DENND1C: variants seen among roughly 807,000 people sequenced by gnomAD.
The protein encoded by DENND1C is DENN domain-containing protein 1C.
DENND1C carries 64 observed loss-of-function variants against 87.9 expected under a neutral mutation model. The observed-to-expected ratio is 0.73, with a 90% CI of 0.60 to 0.90. The LOEUF (loss-of-function observed/expected upper bound fraction) is 0.90. DENND1C is among the 40% of genes least tolerant of loss of function. The pLI, the probability that DENND1C is intolerant of heterozygous loss-of-function variation, is 0.00. For missense variants in DENND1C, 980 were observed against 1,037.0 expected (o/e 0.95, Z 0.76); for synonymous variants, 384 against 424.4 (o/e 0.90, Z 1.17).
chr19:6,480,137 T>TGCATGTGCCACAAGGTGCGTCG, intron 1 of DENND1C, 86 bp from the exon 2 acceptor site: 1 of 1,538,708 alleles, frequency 6.5e-7, no homozygotes, highest in South Asian at 1.2e-5. Context: ...TGGTTGTGTG[T>TGCATGTGCCACAAGGTGCGTCG]GCATGTGCCA....
Position 6,481,669 on chromosome 19 carries a change from T to C in DENND1C, c.17+10A>G. 1 of 1,610,236 alleles carries C rather than the reference T, an allele frequency of 6.2e-7. No homozygotes were observed. The highest frequency in any genetic ancestry group is 8.5e-7 in the Non-Finnish European group (1 of 1,178,186). On this transcript the variant is annotated intron_variant, in intron 1 of 22. Transcript: ENST00000381480. ...TTGTACCAGAGAATGAGGGATGGGG[T>C]GGCTCTTACTCAGCTCTGGATTCCA...
At position 6,468,024 on chromosome 19, in the gene DENND1C, A is replaced by G. The variant is rs372714069; in HGVS notation, c.1886T>C (p.Leu629Ser). The change falls in exon 23 of 23, where the codon TTG (leucine) becomes TCG (serine). Residue 629 changes from leucine (L) to serine (S), a missense_variant. Leu to Ser is a moderately radical substitution (Grantham distance 145). Transcript: ENST00000381480. ...SLPSLQNASS[L>S]DATSSSKDSR... ...GTCCTTTGAAGAGCTGGTGGCATCC[A>G]AAGACGAGGCATTTTGCAGGGATGG... 6.2e-7 allele frequency: 1 copy of G among 1,613,882 alleles called. No homozygotes were observed.
At position 6,469,609 on chromosome 19, in the gene DENND1C, A is replaced by T. The variant is rs931084027; in HGVS notation, c.1394T>A (p.Leu465His). ...AGTTGATCTTACCTTATACATTAGA[A>T]GGCTCTGCACCCCCTTCAAGCCACT... ...AKSGLKGVQS[L>H]LMYKDGDSVL... Residue 465 changes from leucine to histidine, a missense_variant, in exon 19 of 23, where the codon CTT (leucine) becomes CAT (histidine). Physicochemically the swap from Leu to His is moderately conservative, Grantham distance 99 (BLOSUM62 -3). Coordinates refer to ENST00000381480, the MANE Select transcript of DENND1C (RefSeq NM_024898.4). The T allele has an allele frequency of 6.2e-7, 1 of 1,605,478 alleles. No individual in the cohort carries two copies. The highest frequency in any genetic ancestry group is 8.5e-7 in the Non-Finnish European group (1 of 1,176,416).
chr19:6,475,300 A>AC lies in DENND1C; in HGVS notation c.1026dup (p.Tyr343ValfsTer17), dbSNP rs767870384. The AC allele has an allele frequency of 5.6e-6, 9 of 1,613,052 alleles. No homozygotes were observed. The highest frequency in any genetic ancestry group is 1.6e-4 in the Middle Eastern group (1 of 6,084). ...GGGCTGCAGACGAGTGCGTCGCGGT[A>AC]CCCCCCGAAGAGCAGGGCCTGGGCT... is the stretch of plus-strand genomic sequence containing the variant. On this transcript the variant is annotated frameshift_variant, in exon 14 of 23. Transcript: ENST00000381480. LOFTEE classifies it high-confidence loss of function.
intron 18 of DENND1C, 89 bp from the exon 19 acceptor site, chr19:6,469,729 T>C: frequency 2.1e-6 from 3 of 1,442,924 alleles, no homozygotes; most frequent in Non-Finnish European, 2.9e-6. Flanking sequence ...GATAGCTTTT[T>C]TTTTTGCCAT....
chr19:6,468,672 T>A (rs1461184018), intron 20 of DENND1C, 27 bp from the exon 21 acceptor site: 4 of 1,459,086 alleles, frequency 2.7e-6, no homozygotes, highest in Admixed American at 2.8e-5. Context: ...CGATAGGACC[T>A]CAGGAGACTG....
chr19:6,470,593 T>C (rs1198054223), intron 17 of DENND1C, among the ~76,000 whole-genome samples: 1 of 151,238 alleles, frequency 6.6e-6, no homozygotes, highest in Non-Finnish European at 1.5e-5. Flanking sequence ...TTTTTTGAGA[T>C]GGAGTCTCAA....
At chr19:6,479,174 T>A in intron 4 of DENND1C, 118 bp from the exon 5 acceptor site, 1 of 1,389,084 alleles carries the variant, frequency 7.2e-7, no homozygotes, top group Non-Finnish European at 9.7e-7. Flanking sequence ...TCAGGATCCC[T>A]GAATGTCTGG....
intron 14 of DENND1C, 142 bp downstream of exon 14, chr19:6,475,132 A>G: frequency 1.5e-6 from 2 of 1,362,974 alleles, no homozygotes; most frequent in Non-Finnish European, 2.0e-6. Context: ...TCTGGGCTCA[A>G]GCAATTCTCC....
chr19:6,471,610 C>T, intron 15 of DENND1C, 114 bp from the exon 16 acceptor site: 1 of 878,640 alleles, frequency 1.1e-6, no homozygotes, highest in Non-Finnish European at 1.7e-6. Context: ...AACCTGCCCA[C>T]CCCCAAGCAC....
At chr19:6,479,158 T>G in intron 4 of DENND1C, 102 bp from the exon 5 acceptor site, 6 of 1,471,644 alleles carry the variant, frequency 4.1e-6, no homozygotes, top group Non-Finnish European at 5.5e-6. Flanking sequence ...TATGGGTCTC[T>G]AGTTGTCAGG....
chr19:6,476,030 T>TC, intron 10 of DENND1C, 93 bp from the exon 11 acceptor site: 1 of 1,139,892 alleles, frequency 8.8e-7, no homozygotes, highest in South Asian at 1.5e-5. Context: ...AGTCTCCTGT[T>TC]CCCCCTCCCC....
intron 19 of DENND1C, 38 bp from the exon 20 acceptor site, chr19:6,468,991 G>A (rs755849805): frequency 2.4e-6 from 3 of 1,244,830 alleles, no homozygotes; most frequent in Non-Finnish European, 2.1e-6. Flanking sequence ...CTCTGCCACA[G>A]AGTCTCCCCA....
rs757060526 is a variant in DENND1C, at chr19:6,479,894, T to TG, written c.90dup (p.Ile31HisfsTer20). 2 of 1,604,460 alleles carry TG rather than the reference T, an allele frequency of 1.2e-6. No individual in the cohort carries two copies. Among genetic ancestry groups the TG allele is most frequent in the Non-Finnish European group, 1.7e-6 (2 of 1,175,826 alleles). On this transcript the variant is annotated frameshift_variant, in exon 3 of 23. Coordinates refer to ENST00000381480, the MANE Select transcript of DENND1C (RefSeq NM_024898.4). LOFTEE classifies it high-confidence loss of function. ...AAGTCTGGAGGGAACTGCCGCAGGA[T>TG]GGGGGGATCTGTAGAAGAGAGCACG...
chr19:6,481,461 G>GAC (rs1192816804), intron 1 of DENND1C, among the ~76,000 whole-genome samples: 1 of 55,166 alleles, frequency 1.8e-5, no homozygotes, highest in Non-Finnish European at 5.2e-5. Context: ...ACAGGAGCTG[G>GAC]ATAGAGAGAG....
chr19:6,476,740 G>T (rs2092863160), intron 10 of DENND1C, 117 bp downstream of exon 10: 2 of 1,057,846 alleles, frequency 1.9e-6, no homozygotes, highest in Admixed American at 2.8e-5. Context: ...GCGGGGCCAG[G>T]ACTTCGCCCT....
Position 6,471,320 on chromosome 19 carries a change from G to A in DENND1C, c.1250-15C>T, listed in dbSNP as rs762698755. ...TCGAAGGGCCCCTGGGGTAAGGAGA[G>A]AGTGTGGTGGTCACCGAAGGCTGGC... is the stretch of plus-strand genomic sequence containing the variant. On this transcript the variant is annotated splice_polypyrimidine_tract_variant and intron_variant, in intron 16 of 22. Coordinates refer to ENST00000381480, the MANE Select transcript of DENND1C (RefSeq NM_024898.4). 1.3e-6 allele frequency: 2 copies of A among 1,597,140 alleles called. No individual in the cohort carries two copies. The highest frequency in any genetic ancestry group is 3.5e-5 in the Admixed American group (2 of 56,950).
intron 9 of DENND1C, 41 bp downstream of exon 9, chr19:6,477,015 GCATCCCCGGTCCGGGTTT>G (rs757225584): frequency 6.2e-7 from 1 of 1,613,344 alleles, no homozygotes; most frequent in South Asian, 1.1e-5. Flanking sequence ...CCTGGATCTT[GCATCCCCGGTCCGGGTTT>G]CGGGACCTGT....
At position 6,470,309 on chromosome 19, in the gene DENND1C, TCTTGACGGCTGGTTGGGTCTTGGC is replaced by T; in HGVS notation, c.1324_1347del (p.Ala442_Lys449del). 6.2e-7 allele frequency: 1 copy of T among 1,611,344 alleles called. No homozygotes were observed. The highest frequency in any genetic ancestry group is 8.5e-7 in the Non-Finnish European group (1 of 1,178,924). On this transcript the variant is annotated inframe_deletion, in exon 18 of 23. Coordinates refer to ENST00000381480, the MANE Select transcript of DENND1C (RefSeq NM_024898.4). The stretch of plus-strand genomic sequence containing the variant: ...CTCAGCCTCACCGAGCGGTACATGT[TCTTGACGGCTGGTTGGGTCTTGGC>T]CTTGACTGAGTGCAGGAGGGCGCCA...
Sources: allele counts gnomAD v4.1 joint callset (sites outside exome capture counted in the v4.1 genomes callset), GRCh38; gene constraint gnomAD v4.1.1; transcripts MANE v1.5; gene names NCBI Gene and HGNC (gene_info 2026-07-23, HGNC 2026-07-21).